NYAP2: variants seen among roughly 807,000 people sequenced by gnomAD.
NYAP2 encodes the protein neuronal tyrosine-phosphorylated phosphoinositide-3-kinase adaptor 2.
Under a neutral mutation model 50.4 loss-of-function variants are expected in NYAP2, and 23 were observed. The observed-to-expected ratio is 0.46, with a 90% CI of 0.33 to 0.65. The LOEUF (loss-of-function observed/expected upper bound fraction) is 0.65. Ranked by LOEUF, NYAP2 falls within the 30% of genes least tolerant of loss-of-function variation. The pLI, the probability that NYAP2 is intolerant of heterozygous loss-of-function variation, is 0.02. For synonymous variants in NYAP2, 394 were observed against 365.2 expected (o/e 1.08, Z -0.90); for missense variants, 885 against 861.0 (o/e 1.03, Z -0.35).
At chr2:225,481,431 T>C (rs1690204824) in intron 3 of NYAP2, among the ~76,000 whole-genome samples, 1 of 152,178 alleles carries the variant, frequency 6.6e-6, no homozygotes, top group African/African-American at 2.4e-5. Context: ...TTGTTACCTT[T>C]ACATTTTTGT....
chr2:225,486,287 A>G (rs73089796), intron 3 of NYAP2, among the ~76,000 whole-genome samples: 1,901 of 152,340 alleles, frequency 0.012, 34 homozygotes, highest in African/African-American at 0.042. Context: ...CCAAGAGGGT[A>G]TTCAGCACTC....
intron 5 of NYAP2, among the ~76,000 whole-genome samples, chr2:225,599,106 A>G (rs1399317531): frequency 6.6e-6 from 1 of 152,012 alleles, no homozygotes; most frequent in African/African-American, 2.4e-5. Context: ...CATTCTTCTA[A>G]GAATAGAGAA....
intron 4 of NYAP2, among the ~76,000 whole-genome samples, chr2:225,556,595 T>C (rs1160994765): frequency 1.3e-5 from 2 of 152,170 alleles, no homozygotes; most frequent in East Asian, 3.8e-4. Flanking sequence ...TTTGACCATC[T>C]TGGTTACTTC....
At chr2:225,694,916 A>G in the NYAP2 span, among the ~76,000 whole-genome samples, 1 of 151,850 alleles carries the variant, frequency 6.6e-6, no homozygotes. Context: ...TGTCTCCAAA[A>G]CATGAGTTAA....
At chr2:225,436,842 G>A (rs1041512050) in intron 3 of NYAP2, among the ~76,000 whole-genome samples, 4 of 151,284 alleles carry the variant, frequency 2.6e-5, no homozygotes, top group African/African-American at 9.7e-5. Context: ...CACTCCCACT[G>A]TCTCTGGCTT....
intron 3 of NYAP2, among the ~76,000 whole-genome samples, chr2:225,506,206 A>AT (rs1441776955): frequency 3.3e-5 from 5 of 152,072 alleles, no homozygotes; most frequent in Admixed American, 6.6e-5. Flanking sequence ...TCCATTACTC[A>AT]TTTTTCCTTT....
intron 6 of NYAP2, among the ~76,000 whole-genome samples, chr2:225,645,080 T>A (rs1043120311): frequency 2.6e-5 from 4 of 152,088 alleles, no homozygotes; most frequent in Admixed American, 2.6e-4. Context: ...GCCAACATGG[T>A]GAAACCCTGT....
chr2:225,588,515 A>G (rs1358530943), intron 5 of NYAP2, among the ~76,000 whole-genome samples: 1 of 152,198 alleles, frequency 6.6e-6, no homozygotes, highest in Non-Finnish European at 1.5e-5. Context: ...TCAAGCGTTG[A>G]CTATGAAGGA....
At chr2:225,568,752 T>C (rs1011020684) in intron 4 of NYAP2, among the ~76,000 whole-genome samples, 3 of 152,104 alleles carry the variant, frequency 2.0e-5, no homozygotes, top group Non-Finnish European at 4.4e-5. Context: ...AAGAGAAATA[T>C]CCAACAGGGA....
chr2:225,611,521 C>A lies in NYAP2; in HGVS notation c.1619-15396C>A, dbSNP rs897475004. On this transcript the variant is annotated intron_variant, in intron 5 of 6. Transcript: ENST00000636099. ...TTGCACAAATATTTCCCTCTGCCCG[C>A]AAAACTAATCTAATCCACCCTCACC... Among the ~76,000 whole-genome samples the A allele has an allele frequency of 2.6e-5, 4 of 152,014 alleles. No homozygotes were observed. The South Asian group carries it at 8.3e-4, about 32-fold the overall frequency.
chr2:225,615,854 G>A (rs139010552), intron 5 of NYAP2, among the ~76,000 whole-genome samples: 24 of 152,316 alleles, frequency 1.6e-4, no homozygotes, highest in Admixed American at 1.5e-3. Flanking sequence ...GGAAAAGAGA[G>A]CAAAGGCCCT....
At chr2:225,523,661 A>C (rs1208368374) in intron 4 of NYAP2, among the ~76,000 whole-genome samples, 6 of 152,122 alleles carry the variant, frequency 3.9e-5, no homozygotes, top group Non-Finnish European at 5.9e-5. Flanking sequence ...GATTTGACAC[A>C]ATCCCTATCA....
At chr2:225,443,358 C>T (rs544649903) in intron 3 of NYAP2, among the ~76,000 whole-genome samples, 79 of 152,250 alleles carry the variant, frequency 5.2e-4, no homozygotes, top group African/African-American at 1.4e-3. Context: ...TACTTAAACA[C>T]GAGTTCCTCT....
the NYAP2 span, among the ~76,000 whole-genome samples, chr2:225,683,663 AT>A: frequency 6.6e-6 from 1 of 152,080 alleles, no homozygotes; most frequent in Non-Finnish European, 1.5e-5. Flanking sequence ...ATGCCACCTC[AT>A]TTTTAGGTGC....
intron 5 of NYAP2, 55 bp downstream of exon 5, chr2:225,583,090 G>T: frequency 1.3e-6 from 2 of 1,562,890 alleles, no homozygotes; most frequent in Non-Finnish European, 8.7e-7. Context: ...CTTACAACCA[G>T]GGTGAAGCCC....
chr2:225,638,200 A>AG (rs1190583944), intron 6 of NYAP2, among the ~76,000 whole-genome samples: 5 of 111,766 alleles, frequency 4.5e-5, no homozygotes, highest in African/African-American at 1.6e-4. Context: ...GTGGTGTGGG[A>AG]GGGGGGTGAG....
At chr2:225,477,231 C>CTTTTTTTTTTT (rs11378712) in intron 3 of NYAP2, among the ~76,000 whole-genome samples, 8 of 87,470 alleles carry the variant, frequency 9.1e-5, no homozygotes, top group African/African-American at 1.4e-4. Context: ...GTCTCTATTT[C>CTTTTTTTTTTT]TTTTTTTTTT....
exon 6 of NYAP2, chr2:225,627,101 C>A: frequency 6.3e-7 from 1 of 1,590,478 alleles, no homozygotes; most frequent in East Asian, 2.3e-5. Flanking sequence ...TGAGCCCCAC[C>A]TTGTTAGCGG....
chr2:225,625,657 C>A (rs1693195647), intron 5 of NYAP2, among the ~76,000 whole-genome samples: 2 of 151,884 alleles, frequency 1.3e-5, no homozygotes, highest in South Asian at 4.1e-4. Context: ...GGAGGAAGAA[C>A]CTACAACCAA....
Sources: gnomAD v4.1 joint callset for allele counts (sites outside exome capture counted in the v4.1 genomes callset) on GRCh38, gnomAD v4.1.1 for gene constraint, MANE v1.5 for transcripts, NCBI Gene and HGNC (gene_info 2026-07-23, HGNC 2026-07-21) for gene names.